ADAMTSL1: variants seen among roughly 807,000 people sequenced by gnomAD.
ADAMTSL1 encodes the protein ADAMTS-like protein 1.
A neutral mutation model predicts 201.8 loss-of-function variants in ADAMTSL1; 126 were observed. The observed-to-expected ratio is 0.62, with a 90% confidence interval of 0.54 to 0.72. The LOEUF is 0.72. Ranked by LOEUF, ADAMTSL1 falls within the 30% of genes least tolerant of loss-of-function variation. The pLI, the probability that ADAMTSL1 is intolerant of heterozygous loss-of-function variation, is 0.00. For synonymous variants in ADAMTSL1, 1,121 were observed against 903.4 expected (o/e 1.24, Z -4.32); for missense variants, 2,679 against 2,277.8 (o/e 1.18, Z -3.59).
intron 2 of ADAMTSL1, among the ~76,000 whole-genome samples, chr9:18,312,730 C>T (rs1403669344): frequency 6.6e-6 from 1 of 152,202 alleles, no homozygotes; most frequent in African/African-American, 2.4e-5. Flanking sequence ...GCCCCCACCC[C>T]AGCCTCTCTG....
At chr9:18,175,546 A>G (rs142295879) in intron 2 of ADAMTSL1, among the ~76,000 whole-genome samples, 45 of 152,286 alleles carry the variant, frequency 3.0e-4, no homozygotes, top group African/African-American at 1.1e-3. Flanking sequence ...GCTTCTGACA[A>G]TATCCATTTA....
At chr9:18,097,464 G>A (rs1027998765) in intron 1 of ADAMTSL1, among the ~76,000 whole-genome samples, 1 of 152,160 alleles carries the variant, frequency 6.6e-6, no homozygotes, top group Non-Finnish European at 1.5e-5. Flanking sequence ...TATGGTAACC[G>A]TATATTTAAT....
intron 16 of ADAMTSL1, among the ~76,000 whole-genome samples, chr9:18,755,029 G>A (rs1397532637): frequency 1.3e-5 from 2 of 152,138 alleles, no homozygotes; most frequent in African/African-American, 4.8e-5. Context: ...ATTTAGGGTT[G>A]GCTATCAACT....
At chr9:18,687,268 A>C (rs1830895314) in intron 13 of ADAMTSL1, among the ~76,000 whole-genome samples, 1 of 152,226 alleles carries the variant, frequency 6.6e-6, no homozygotes, top group African/African-American at 2.4e-5. Context: ...AATTTAAAAA[A>C]CATAATGTTG....
intron 4 of ADAMTSL1, among the ~76,000 whole-genome samples, chr9:18,595,729 G>A (rs968375972): frequency 5.3e-5 from 8 of 152,274 alleles, no homozygotes; most frequent in African/African-American, 1.9e-4. Flanking sequence ...TACCAAGGCA[G>A]TAGTGTACAC....
chr9:18,643,482 A>G (rs1827577169), intron 7 of ADAMTSL1, among the ~76,000 whole-genome samples: 1 of 151,940 alleles, frequency 6.6e-6, no homozygotes, highest in South Asian at 2.1e-4. Context: ...TATTCAAAAA[A>G]TTGCCCAGAC....
chr9:18,520,255 C>G (rs1818612857), intron 2 of ADAMTSL1, among the ~76,000 whole-genome samples: 1 of 152,194 alleles, frequency 6.6e-6, no homozygotes, highest in South Asian at 2.1e-4. Flanking sequence ...GAGAGAAGAT[C>G]AAACAACCAG....
At chr9:18,872,495 C>T (rs1001052380) in intron 23 of ADAMTSL1, among the ~76,000 whole-genome samples, 4 of 152,154 alleles carry the variant, frequency 2.6e-5, no homozygotes, top group African/African-American at 7.2e-5. Context: ...ACCTCCCATG[C>T]TTCCTTCCGA....
At chr9:18,300,541 C>CA (rs1833666985) in intron 2 of ADAMTSL1, among the ~76,000 whole-genome samples, 1 of 152,156 alleles carries the variant, frequency 6.6e-6, no homozygotes, top group Non-Finnish European at 1.5e-5. Flanking sequence ...AGCAAACCAG[C>CA]ATGGTACACG....
intron 2 of ADAMTSL1, among the ~76,000 whole-genome samples, chr9:18,418,467 C>T (rs984453691): frequency 5.9e-5 from 9 of 152,060 alleles, no homozygotes; most frequent in Non-Finnish European, 1.2e-4. Context: ...TGTAGAACAT[C>T]CCAAGGAATC....
chr9:18,782,779 T>C (rs1410167907), intron 19 of ADAMTSL1, among the ~76,000 whole-genome samples: 2 of 152,192 alleles, frequency 1.3e-5, no homozygotes, highest in East Asian at 3.8e-4. Context: ...TGCCCAGCAC[T>C]GTGATGTGAG....
intron 1 of ADAMTSL1, among the ~76,000 whole-genome samples, chr9:18,108,508 T>C (rs1008285146): frequency 6.6e-6 from 1 of 152,086 alleles, no homozygotes; most frequent in East Asian, 1.9e-4. Context: ...CCGAGAATCA[T>C]GATCTTAAAG....
intron 3 of ADAMTSL1, among the ~76,000 whole-genome samples, chr9:18,547,625 T>A (rs1820545518): frequency 1.0e-5 from 1 of 95,488 alleles, no homozygotes. Flanking sequence ...AGCGGCTGTA[T>A]ATATATATAA....
intron 14 of ADAMTSL1, among the ~76,000 whole-genome samples, chr9:18,708,563 C>T (rs1832361568): frequency 6.6e-6 from 1 of 152,166 alleles, no homozygotes; most frequent in African/African-American, 2.4e-5. Flanking sequence ...ATCTCTGGAG[C>T]CTGGGCAGGA....
At chr9:18,185,134 G>T (rs1382954969) in intron 2 of ADAMTSL1, among the ~76,000 whole-genome samples, 1 of 152,068 alleles carries the variant, frequency 6.6e-6, no homozygotes, top group Non-Finnish European at 1.5e-5. Flanking sequence ...TTTATAGCCT[G>T]GTGTTCATAA....
intron 5 of ADAMTSL1, among the ~76,000 whole-genome samples, chr9:18,623,803 A>G (rs1826185386): frequency 6.6e-6 from 1 of 152,226 alleles, no homozygotes; most frequent in Admixed American, 6.5e-5. Flanking sequence ...GAATCCTTCA[A>G]TAGATCCCTG....
At chr9:18,826,926 T>C (rs1179137753) in intron 22 of ADAMTSL1, among the ~76,000 whole-genome samples, 1 of 152,160 alleles carries the variant, frequency 6.6e-6, no homozygotes, top group Non-Finnish European at 1.5e-5. Context: ...TATGGTCTGG[T>C]CCATCTAAAG....
intron 20 of ADAMTSL1, among the ~76,000 whole-genome samples, chr9:18,816,872 C>A (rs1430336876): frequency 2.0e-5 from 3 of 151,846 alleles, no homozygotes; most frequent in Non-Finnish European, 2.9e-5. Context: ...CAGATCTGGG[C>A]AATTAGCATA....
chr9:18,182,117 A>G lies in ADAMTSL1; in HGVS notation c.207+18136A>G, dbSNP rs1828510461. Among the ~76,000 whole-genome samples, 5 of 127,072 alleles carry G rather than the reference A, an allele frequency of 3.9e-5. No homozygotes were observed. The South Asian group carries it at 1.1e-3, about 28-fold the overall frequency. 83.4% of individuals were successfully genotyped at this position (127,072 alleles called of 152,430 possible). On this transcript the variant is annotated intron_variant, in intron 2 of 29. Transcript: ENST00000680146. ...AACTCATGGACACAGGAAGGGGAAC[A>G]TCACACTCTGGGGCCTGTTGTGGTG...
Sources: gnomAD v4.1 joint callset for allele counts (sites outside exome capture counted in the v4.1 genomes callset) on GRCh38, gnomAD v4.1.1 for gene constraint, MANE v1.5 for transcripts, NCBI Gene and HGNC (gene_info 2026-07-23, HGNC 2026-07-21) for gene names.